CHD8: variants seen among roughly 807,000 people sequenced by gnomAD.
CHD8 encodes ATP-dependent chromatin remodeler CHD8.
Under a neutral mutation model 279.2 loss-of-function variants are expected in CHD8, and 31 were observed. That is an observed-to-expected ratio of 0.11 (90% CI 0.08 to 0.15). The LOEUF (loss-of-function observed/expected upper bound fraction) is 0.15, where lower values mean the gene tolerates loss of function less well. Ranked by LOEUF, CHD8 falls within the 10% of genes least tolerant of loss-of-function variation. CHD8 has a pLI of 1.00. For synonymous variants in CHD8, 1,081 were observed against 1,139.6 expected, an observed-to-expected ratio of 0.95 and a Z score of 1.04; for missense variants, 2,146 against 3,230.5, an observed-to-expected ratio of 0.66 and a Z score of 8.14.
At chr14:21,450,163 A>G (rs1298124647) in intron 1 of CHD8, among the ~76,000 whole-genome samples, 1 of 152,252 alleles carries the variant, frequency 6.6e-6, no homozygotes, top group Non-Finnish European at 1.5e-5. Context: ...AAATTCAGAA[A>G]TCCAGAAACA....
chr14:21,437,288 C>T, intron 1 of CHD8: 1 of 1,133,814 alleles, frequency 8.8e-7, no homozygotes. Context: ...TGCTCCTGCC[C>T]GCCCCGCGCC....
chr14:21,387,381 C>A (rs538727624), intron 37 of CHD8, among the ~76,000 whole-genome samples: 79 of 152,276 alleles, frequency 5.2e-4, no homozygotes, highest in African/African-American at 1.8e-3. Flanking sequence ...CCTGTAATCC[C>A]AGCACTTTGG....
rs967754232 is a variant in CHD8, at chr14:21,407,084, G to C, written c.2731-52C>G. 4 of 1,443,670 alleles carry C rather than the reference G, an allele frequency of 2.8e-6. No individual in the cohort carries two copies. In the African/African-American group the frequency reaches 5.7e-5, roughly 21 times the overall value. 89.4% of individuals were successfully genotyped at this position (1,443,670 alleles called of 1,614,324 possible). On this transcript the variant is annotated intron_variant, in intron 13 of 37. Coordinates refer to ENST00000646647, the MANE Select transcript of CHD8 (RefSeq NM_001170629.2). ...AAAAACCAAAAATGTACCTAAATGA[G>C]GAGCTTTTCTGAATTACTTGCCTAT...
chr14:21,424,663 G>A (rs1889224842), intron 5 of CHD8, among the ~76,000 whole-genome samples: 1 of 152,026 alleles, frequency 6.6e-6, no homozygotes, highest in African/African-American at 2.4e-5. Flanking sequence ...GGTAGAGACG[G>A]GGTTTCACCG....
chr14:21,416,249 T>C, intron 5 of CHD8: 1 of 194,336 alleles, frequency 5.1e-6, no homozygotes, highest in Admixed American at 6.0e-5. Context: ...TGCAAGAAGA[T>C]TTTGTTTCCA....
chr14:21,434,012 G>T (rs543143299), intron 1 of CHD8, among the ~76,000 whole-genome samples: 1 of 147,356 alleles, frequency 6.8e-6, no homozygotes, highest in Non-Finnish European at 1.5e-5. Flanking sequence ...ACAGCTAGGA[G>T]TAATATAAAA....
rs905845987 is a variant in CHD8, at chr14:21,397,159, G to A, written c.5051+664C>T. On this transcript the variant is annotated intron_variant, in intron 27 of 37. Transcript: ENST00000646647. ...TTCTGAGCAGACAGGTGGCATAAACGATTTGCAATGAATAAATAACCCAAT... is the reference window on the plus strand; with the variant it reads ...TTCTGAGCAGACAGGTGGCATAAACAATTTGCAATGAATAAATAACCCAAT... 14 of 266,636 alleles carry A rather than the reference G, an allele frequency of 5.3e-5. 1 individual carries two copies. Among genetic ancestry groups the A allele is most frequent in the Middle Eastern group, 6.0e-4 (1 of 1,678 alleles). The allele number at this position is 266,636 out of a possible 1,614,324, so 16.5% of individuals were successfully genotyped here.
intron 37 of CHD8, among the ~76,000 whole-genome samples, chr14:21,387,992 CAG>C (rs1487487925): frequency 6.6e-6 from 1 of 152,044 alleles, no homozygotes; most frequent in Non-Finnish European, 1.5e-5. Flanking sequence ...AAATTAAAGA[CAG>C]AGATGGCATT....
In CHD8 at chr14:21,401,383, C is replaced by T. The variant is rs1468039140; in HGVS notation, c.4173+20G>A. 4 of 1,446,476 alleles carry T rather than the reference C, an allele frequency of 2.8e-6. No individual in the cohort carries two copies. Among genetic ancestry groups the T allele is most frequent in the East Asian group, 2.3e-5 (1 of 42,596 alleles). The allele number at this position is 1,446,476 out of a possible 1,614,324, so 89.6% of individuals were successfully genotyped here. ...AGTGTGGTCTTCTGCGATACTTCCT[C>T]CCTAAAAGAAGAAACTCACCTTGCT... On this transcript the variant is annotated intron_variant, in intron 21 of 37. Transcript: ENST00000646647.
intron 27 of CHD8, chr14:21,397,509 C>A: frequency 2.6e-6 from 1 of 382,694 alleles, no homozygotes. Context: ...CGTATGAGAG[C>A]TGCTGGCTGT....
At chr14:21,426,294 A>T (rs1889313800) in intron 4 of CHD8, 52 bp from the exon 5 acceptor site, 2 of 943,678 alleles carry the variant, frequency 2.1e-6, no homozygotes, top group East Asian at 5.1e-5. Flanking sequence ...AAAATTTAGG[A>T]GTAAAAAAAC....
chr14:21,386,056 C>T lies in CHD8; in HGVS notation c.7303G>A (p.Gly2435Ser). ...DLSKMMALMQ[G>S]GSTGSLSLHN... ...AGAGATAGAGACCCAGTGCTTCCAC[C>T]CTGCATGAGGGCCATCATCTTAGAA... is the stretch of plus-strand genomic sequence containing the variant. The change falls in exon 38 of 38, where the codon GGT (glycine) becomes AGT (serine). Residue 2435 changes from glycine (G) to serine (S), a missense_variant. Physicochemically the swap from Gly to Ser is moderately conservative, Grantham distance 56. Coordinates refer to ENST00000646647, the MANE Select transcript of CHD8 (RefSeq NM_001170629.2). 1 of 1,590,986 alleles carries T rather than the reference C, an allele frequency of 6.3e-7. No individual in the cohort carries two copies. Among genetic ancestry groups the T allele is most frequent in the Non-Finnish European group, 8.6e-7 (1 of 1,168,410 alleles).
chr14:21,423,771 T>C (rs1889164060), intron 5 of CHD8, among the ~76,000 whole-genome samples: 1 of 152,228 alleles, frequency 6.6e-6, no homozygotes, highest in Non-Finnish European at 1.5e-5. Flanking sequence ...GTTCTTACTA[T>C]GAGCCAAACA....
intron 28 of CHD8, 148 bp from the exon 29 acceptor site, chr14:21,395,500 G>A (rs1887741466): frequency 1.6e-6 from 1 of 618,942 alleles, no homozygotes; most frequent in Non-Finnish European, 2.8e-6. Context: ...ACAAAAACTT[G>A]GAAACAATCA....
In CHD8 at chr14:21,400,623, G is replaced by A. The variant is rs772848725; in HGVS notation, c.4371-11C>T. The A allele has an allele frequency of 6.4e-7, 1 of 1,559,498 alleles. No homozygotes were observed. Among genetic ancestry groups the A allele is most frequent in the Non-Finnish European group, 8.6e-7 (1 of 1,160,590 alleles). ...CGCCATCGTCCCCAACTAAAAAACAGAAAACTATATTAACATTTTTCTGAG... is the reference window on the plus strand; with the variant it reads ...CGCCATCGTCCCCAACTAAAAAACAAAAAACTATATTAACATTTTTCTGAG... On this transcript the variant is annotated splice_polypyrimidine_tract_variant and intron_variant, in intron 22 of 37. Coordinates refer to ENST00000646647, the MANE Select transcript of CHD8 (RefSeq NM_001170629.2). This position sits in a 1 kb window ranked among gnomAD's most constrained non-coding sequence, Gnocchi z 4.2.
At position 21,437,171 on chromosome 14, in the gene CHD8, G is replaced by C. The variant is rs571436534; in HGVS notation, c.-215-5313C>G. 10 of 1,114,526 alleles carry C rather than the reference G, an allele frequency of 9.0e-6. No homozygotes were observed. In the African/African-American group the frequency reaches 9.8e-5, roughly 11 times the overall value. 69.0% of individuals were successfully genotyped at this position (1,114,526 alleles called of 1,614,324 possible). On this transcript the variant is annotated intron_variant, in intron 1 of 37. Coordinates refer to ENST00000646647, the MANE Select transcript of CHD8 (RefSeq NM_001170629.2). ...AGAAAACGAGCTGTGCCTCACCCCA[G>C]TGGAGGAGAGAGGTGGCTTTACCTG...
chr14:21,399,798 A>C (rs959554778), intron 25 of CHD8, 93 bp from the exon 26 acceptor site: 1 of 988,338 alleles, frequency 1.0e-6, no homozygotes, highest in African/African-American at 1.6e-5. Context: ...TCCTGTATCC[A>C]TTAATTTAAA....
At chr14:21,392,166 GAGAA>G (rs749597133) in intron 34 of CHD8, 4 of 759,848 alleles carry the variant, frequency 5.3e-6, no homozygotes, top group South Asian at 1.4e-5. Context: ...CAGCATTTAC[GAGAA>G]AGAGTTTATT....
At chr14:21,455,794 C>T (rs1890374044) in intron 1 of CHD8, among the ~76,000 whole-genome samples, 1 of 152,074 alleles carries the variant, frequency 6.6e-6, no homozygotes, top group Admixed American at 6.6e-5. Context: ...CAAGCAGTCC[C>T]TCGCGGCTCG....
Sources: gnomAD v4.1 joint callset for allele counts (sites outside exome capture counted in the v4.1 genomes callset) on GRCh38, gnomAD v4.1.1 for gene constraint, Gnocchi (gnomAD v3.1) non-coding constraint, MANE v1.5 for transcripts, NCBI Gene and HGNC (gene_info 2026-07-23, HGNC 2026-07-21) for gene names.